Variants in STAU2 observed in about 807,000 individuals in gnomAD.
STAU2 encodes staufen double-stranded RNA binding protein 2.
Under a neutral mutation model 65.9 loss-of-function variants are expected in STAU2, and 20 were observed. The observed-to-expected ratio is 0.30, with a 90% CI of 0.21 to 0.44. STAU2 has a LOEUF of 0.44. Among genes scored for constraint, STAU2 ranks in the 20% least tolerant of loss-of-function variants. STAU2 has a pLI of 1.00. For missense variants in STAU2, 558 were observed against 683.9 expected (o/e 0.82, Z 2.05); for synonymous variants, 232 against 233.9 (o/e 0.99, Z 0.07).
intron 9 of STAU2, among the ~76,000 whole-genome samples, chr8:73,610,059 A>G (rs577849351): frequency 6.6e-6 from 1 of 152,238 alleles, no homozygotes; most frequent in African/African-American, 2.4e-5. Flanking sequence ...TAGGCAGATC[A>G]CTTGAGCCCA....
chr8:73,685,846 T>C (rs560906039), intron 5 of STAU2, among the ~76,000 whole-genome samples: 9 of 152,302 alleles, frequency 5.9e-5, no homozygotes, highest in Middle Eastern at 3.4e-3. Flanking sequence ...AAGAGACACT[T>C]GTATACACAT....
intron 13 of STAU2, among the ~76,000 whole-genome samples, chr8:73,451,069 G>A (rs1037825882): frequency 3.3e-5 from 5 of 152,144 alleles, no homozygotes; most frequent in African/African-American, 7.2e-5. Context: ...ACACGCTGCC[G>A]GCAAAGCCTG....
chr8:73,591,692 TA>T (rs1392180721), intron 11 of STAU2, among the ~76,000 whole-genome samples: 1 of 150,902 alleles, frequency 6.6e-6, no homozygotes, highest in Non-Finnish European at 1.5e-5. Flanking sequence ...TCAAAATGCA[TA>T]AAACAAAAAC....
intron 3 of STAU2, among the ~76,000 whole-genome samples, chr8:73,712,753 G>A (rs1358274712): frequency 6.6e-6 from 1 of 152,122 alleles, no homozygotes. Context: ...CCAGGGGTTT[G>A]AGAACAGCCT....
chr8:73,526,559 T>C (rs1805472083), intron 13 of STAU2, among the ~76,000 whole-genome samples: 1 of 152,170 alleles, frequency 6.6e-6, no homozygotes, highest in Non-Finnish European at 1.5e-5. Context: ...GTAAGACTAT[T>C]AGAAGTCCTC....
chr8:73,645,401 TA>T (rs34975645), intron 6 of STAU2, among the ~76,000 whole-genome samples: 1 of 152,004 alleles, frequency 6.6e-6, no homozygotes, highest in Admixed American at 6.6e-5. Context: ...CCATTCACGA[TA>T]AAAAAAATTC....
chr8:73,629,765 G>A (rs1049953195), intron 6 of STAU2, among the ~76,000 whole-genome samples: 12 of 151,974 alleles, frequency 7.9e-5, no homozygotes, highest in Non-Finnish European at 1.5e-4. Context: ...TGTCTGACTC[G>A]AAGCCCACTT....
intron 11 of STAU2, among the ~76,000 whole-genome samples, chr8:73,586,270 C>T (rs1221685736): frequency 6.6e-6 from 1 of 152,086 alleles, no homozygotes; most frequent in Non-Finnish European, 1.5e-5. Context: ...AGAAAGCCTC[C>T]AGAATTAGGA....
At chr8:73,739,676 A>T in intron 2 of STAU2, 80 bp downstream of exon 2, 1 of 1,108,614 alleles carries the variant, frequency 9.0e-7, no homozygotes, top group Non-Finnish European at 1.2e-6. Flanking sequence ...CACATTTCCT[A>T]TGAGAACGGG....
chr8:73,741,259 C>G (rs944240977), intron 1 of STAU2, among the ~76,000 whole-genome samples: 3 of 147,536 alleles, frequency 2.0e-5, no homozygotes, highest in African/African-American at 7.7e-5. Flanking sequence ...GAGCCAAGAT[C>G]GCGCCACTGC....
chr8:73,712,161 C>A (rs1820945818), intron 3 of STAU2, among the ~76,000 whole-genome samples: 2 of 152,112 alleles, frequency 1.3e-5, no homozygotes, highest in Non-Finnish European at 2.9e-5. Flanking sequence ...CACAGGTATG[C>A]ATTTTCAAAG....
At chr8:73,706,243 A>C (rs999737955) in intron 4 of STAU2, among the ~76,000 whole-genome samples, 7 of 151,998 alleles carry the variant, frequency 4.6e-5, no homozygotes, top group Non-Finnish European at 8.8e-5. Flanking sequence ...CAGCCTCCCG[A>C]GTAGGTGGGA....
intron 6 of STAU2, among the ~76,000 whole-genome samples, chr8:73,671,257 C>T (rs1040549133): frequency 6.6e-6 from 1 of 151,862 alleles, no homozygotes; most frequent in Non-Finnish European, 1.5e-5. Flanking sequence ...ATGGTAAAAC[C>T]CTGTTTCTAC....
At chr8:73,688,122 C>A (rs994443281) in intron 5 of STAU2, among the ~76,000 whole-genome samples, 5 of 151,374 alleles carry the variant, frequency 3.3e-5, no homozygotes, top group Non-Finnish European at 7.4e-5. Flanking sequence ...TTATAGTATC[C>A]ACTAAAGCAA....
rs73330900 is a variant in STAU2, at chr8:73,669,442, G to C, written c.410+3665C>G. 3.8e-3 allele frequency among the ~76,000 whole-genome samples: 578 copies of C among 151,944 alleles called. 4 individuals carry two copies. Among genetic ancestry groups the C allele is most frequent in the African/African-American group, 0.012 (501 of 41,460 alleles). ...CTTGGAACTAGAAACTGCCAACAAAGAAAAAATGCCGACATTCTTAACAGA... is the reference window on the plus strand; with the variant it reads ...CTTGGAACTAGAAACTGCCAACAAACAAAAAATGCCGACATTCTTAACAGA... On this transcript the variant is annotated intron_variant, in intron 6 of 14. Transcript: ENST00000524300.
chr8:73,500,612 G>T (rs1332561544), intron 13 of STAU2, among the ~76,000 whole-genome samples: 1 of 151,786 alleles, frequency 6.6e-6, no homozygotes, highest in African/African-American at 2.4e-5. Flanking sequence ...TTGAAAATGT[G>T]ATTTCTGCTA....
chr8:73,653,816 G>C (rs886098676), intron 6 of STAU2: 7 of 407,526 alleles, frequency 1.7e-5, no homozygotes, highest in Non-Finnish European at 2.9e-5. Context: ...GAGAGATACA[G>C]TATGCAGCAT....
chr8:73,440,525 A>G (rs1441828380), intron 13 of STAU2: 1 of 152,124 alleles, frequency 6.6e-6, no homozygotes, highest in Non-Finnish European at 1.5e-5. Context: ...CCATTAGCAA[A>G]TTCTGTTGGT....
chr8:73,590,078 G>C (rs1810656745), intron 11 of STAU2, among the ~76,000 whole-genome samples: 1 of 150,104 alleles, frequency 6.7e-6, no homozygotes, highest in South Asian at 2.1e-4. Flanking sequence ...GAAGAAAGAG[G>C]AGAAGGAAGT....
Sources: allele counts gnomAD v4.1 joint callset (sites outside exome capture counted in the v4.1 genomes callset), GRCh38; gene constraint gnomAD v4.1.1; transcripts MANE v1.5; gene names NCBI Gene and HGNC (gene_info 2026-07-23, HGNC 2026-07-21).